The following MAGI2 variants were observed in gnomAD, a reference collection of about 807,000 sequenced individuals.
The protein encoded by MAGI2 is membrane associated guanylate kinase, WW and PDZ domain containing 2, also known as membrane-associated guanylate kinase, WW and PDZ domain-containing protein 2.
In MAGI2, 35 loss-of-function variants were observed where a neutral mutation model predicts 133.3. The observed-to-expected ratio is 0.26, with a 90% CI of 0.20 to 0.35. MAGI2 has a LOEUF of 0.35. MAGI2 is among the 10% of genes least tolerant of loss of function. MAGI2 has a pLI of 1.00. For missense variants in MAGI2, 1,636 were observed against 1,863.4 expected (o/e 0.88, Z 2.25); for synonymous variants, 729 against 710.6 (o/e 1.03, Z -0.41).
At chr7:78,934,236 G>T (rs1400933611) in intron 2 of MAGI2, among the ~76,000 whole-genome samples, 4 of 151,956 alleles carry the variant, frequency 2.6e-5, no homozygotes, top group Non-Finnish European at 5.9e-5. Flanking sequence ...TGAGTAGTTG[G>T]GATTACAGGT....
At chr7:79,083,815 G>A (rs2129542056) in intron 1 of MAGI2, among the ~76,000 whole-genome samples, 1 of 151,590 alleles carries the variant, frequency 6.6e-6, no homozygotes, top group South Asian at 2.1e-4. Context: ...TCTTTTTGGG[G>A]AGTTTTGTGA....
rs557589715 is a variant in MAGI2 at position 79,339,542 on chromosome 7, T to C, written c.301+113478A>G. Among the ~76,000 whole-genome samples, 14 of 151,976 alleles carry C rather than the reference T, an allele frequency of 9.2e-5. 1 individual carries two copies. The highest frequency in any genetic ancestry group is 9.2e-4 in the Admixed American group (14 of 15,228). On this transcript the variant is annotated intron_variant, in intron 1 of 21. Coordinates refer to ENST00000354212, the MANE Select transcript of MAGI2 (RefSeq NM_012301.4). The stretch of plus-strand genomic sequence containing the variant: ...TTTTTTGTTATTTGTATATTTTTAA[T>C]TGCCAGGGCATATACAATTTATTCT...
chr7:78,451,239 G>A (rs1389159593), intron 6 of MAGI2, among the ~76,000 whole-genome samples: 6 of 151,986 alleles, frequency 3.9e-5, no homozygotes, highest in South Asian at 2.1e-4. Flanking sequence ...ATATCCAAAT[G>A]GGTGTGACTT....
At chr7:78,295,706 T>C (rs931603472) in intron 9 of MAGI2, among the ~76,000 whole-genome samples, 8 of 152,264 alleles carry the variant, frequency 5.3e-5, no homozygotes, top group Admixed American at 4.6e-4. Context: ...TCCGATCCCA[T>C]GGATTTCAAT....
intron 3 of MAGI2, among the ~76,000 whole-genome samples, chr7:78,568,793 A>G (rs1236649439): frequency 1.4e-5 from 2 of 145,858 alleles, no homozygotes; most frequent in African/African-American, 5.0e-5. Context: ...AATAAAGCTG[A>G]AAAAAAAACA....
At chr7:78,866,852 A>G (rs1025466457) in intron 2 of MAGI2, among the ~76,000 whole-genome samples, 2 of 152,162 alleles carry the variant, frequency 1.3e-5, no homozygotes, top group African/African-American at 4.8e-5. Flanking sequence ...TGAAAAGATC[A>G]GAACAACCCC....
At chr7:78,269,278 T>TA (rs1304361404) in intron 9 of MAGI2, among the ~76,000 whole-genome samples, 4 of 152,232 alleles carry the variant, frequency 2.6e-5, no homozygotes, top group Admixed American at 6.5e-5. Context: ...TAGAATGATA[T>TA]ATGATCCTTT....
At chr7:78,032,319 A>T (rs1397963558) in intron 21 of MAGI2, among the ~76,000 whole-genome samples, 1 of 152,032 alleles carries the variant, frequency 6.6e-6, no homozygotes, top group South Asian at 2.1e-4. Context: ...GGTTCAAGCA[A>T]TCCTCCTGCC....
chr7:78,087,562 G>A (rs1266310522), intron 20 of MAGI2, among the ~76,000 whole-genome samples: 2 of 152,042 alleles, frequency 1.3e-5, no homozygotes, highest in African/African-American at 4.8e-5. Context: ...AGCTTCTGAG[G>A]GTGTATTAAA....
At chr7:78,840,784 C>T (rs1792068319) in intron 2 of MAGI2, among the ~76,000 whole-genome samples, 1 of 151,556 alleles carries the variant, frequency 6.6e-6, no homozygotes, top group African/African-American at 2.4e-5. Context: ...TCAGCTTTAA[C>T]ATTTATTAGC....
rs1423850129 is a variant in MAGI2, at chr7:78,749,445, G to A, written c.419-122206C>T. ...TGGTATATTAGAAGGTAATAAGCAC[G>A]TGGAGAAAAGGAAATCTAGGAAAGG... On this transcript the variant is annotated intron_variant, in intron 2 of 21. Transcript: ENST00000354212. 6.6e-5 allele frequency among the ~76,000 whole-genome samples: 10 copies of A among 152,158 alleles called. No homozygotes were observed. In the South Asian group the frequency reaches 1.0e-3, roughly 16 times the overall value.
chr7:79,399,146 G>A (rs1011210034), intron 1 of MAGI2, among the ~76,000 whole-genome samples: 77 of 140,602 alleles, frequency 5.5e-4, no homozygotes, highest in Admixed American at 2.0e-3. Context: ...CCAGACTGGA[G>A]TGCAGAGGCA....
intron 2 of MAGI2, among the ~76,000 whole-genome samples, chr7:78,765,549 A>G (rs950598704): frequency 4.0e-5 from 6 of 151,866 alleles, no homozygotes; most frequent in African/African-American, 1.5e-4. Flanking sequence ...GGGTTTCTCT[A>G]TGTTGGCCAG....
chr7:78,224,110 G>A (rs138249087), intron 10 of MAGI2, among the ~76,000 whole-genome samples: 1 of 152,240 alleles, frequency 6.6e-6, no homozygotes, highest in East Asian at 1.9e-4. Context: ...AGATTTCATT[G>A]TGAAATAGAA....
intron 2 of MAGI2, among the ~76,000 whole-genome samples, chr7:78,988,370 G>T (rs1472353380): frequency 6.6e-6 from 1 of 151,978 alleles, no homozygotes; most frequent in Non-Finnish European, 1.5e-5. Flanking sequence ...ATTAAATCTG[G>T]ATTGTTTTTA....
intron 1 of MAGI2, among the ~76,000 whole-genome samples, chr7:79,294,919 T>TA (rs1177309883): frequency 6.6e-6 from 1 of 150,918 alleles, no homozygotes; most frequent in Non-Finnish European, 1.5e-5. Flanking sequence ...TTTTTTTTTT[T>TA]AGTAGAGACG....
rs141637608 is a variant in MAGI2, at chr7:79,284,478, T to C, written c.301+168542A>G. Among the ~76,000 whole-genome samples the C allele has an allele frequency of 5.1e-4, 77 of 152,252 alleles. 1 individual carries two copies. Among genetic ancestry groups the C allele is most frequent in the Non-Finnish European group, 5.1e-4 (35 of 67,976 alleles). On this transcript the variant is annotated intron_variant, in intron 1 of 21. Transcript: ENST00000354212. ...ACATACTTTTAATAGTTACTGCATA[T>C]GCTGGCCTCTTCCAATTTTTCATCC...
At chr7:78,294,648 A>G (rs774025214) in intron 9 of MAGI2, among the ~76,000 whole-genome samples, 1 of 151,070 alleles carries the variant, frequency 6.6e-6, no homozygotes, top group Non-Finnish European at 1.5e-5. Flanking sequence ...TGCACTATCT[A>G]TCTTGCCTCA....
intron 1 of MAGI2, among the ~76,000 whole-genome samples, chr7:79,136,074 AAAG>A (rs1473686965): frequency 4.5e-5 from 4 of 88,002 alleles, no homozygotes; most frequent in Admixed American, 3.6e-4. Flanking sequence ...AGAAGGAAAG[AAAG>A]AAAGAAAGAA....
Sources: gnomAD v4.1 joint callset for allele counts (sites outside exome capture counted in the v4.1 genomes callset) on GRCh38, gnomAD v4.1.1 for gene constraint, MANE v1.5 for transcripts, NCBI Gene and HGNC (gene_info 2026-07-23, HGNC 2026-07-21) for gene names.